TUSC3: variants seen among roughly 807,000 people sequenced by gnomAD.
The protein encoded by TUSC3 is tumor suppressor candidate 3, also known as dolichyl-diphosphooligosaccharide--protein glycosyltransferase subunit TUSC3.
A neutral mutation model predicts 44.8 loss-of-function variants in TUSC3; 45 were observed. That is an observed-to-expected ratio of 1.00 (90% CI 0.79 to 1.29). The LOEUF (loss-of-function observed/expected upper bound fraction) is 1.29. Among genes scored for constraint, TUSC3 ranks in the 50% most tolerant of loss-of-function variants. The pLI is 0.00. For missense variants in TUSC3, 519 were observed against 437.9 expected (o/e 1.19, Z -1.65); for synonymous variants, 212 against 152.9 (o/e 1.39, Z -2.85).
chr8:15,716,151 G>C (rs752499325), intron 6 of TUSC3, among the ~76,000 whole-genome samples: 7 of 152,106 alleles, frequency 4.6e-5, no homozygotes, highest in Non-Finnish European at 1.0e-4. Flanking sequence ...AGTTACTCGG[G>C]AGGCTGAGGC....
chr8:15,455,775 C>G (rs73665410), intron 1 of TUSC3, among the ~76,000 whole-genome samples: 15,941 of 152,198 alleles, frequency 0.1, 1,593 homozygotes, highest in African/African-American at 0.26. Flanking sequence ...GCCAAGGTAA[C>G]TACGGGAGAT....
At chr8:15,638,507 C>CTTTTTTTTTTTTTT (rs1301269279) in intron 2 of TUSC3, among the ~76,000 whole-genome samples, 1 of 112,678 alleles carries the variant, frequency 8.9e-6, no homozygotes, top group East Asian at 2.9e-4. Context: ...CTTTTTTTTT[C>CTTTTTTTTTTTTTT]TTTTTTTCTT....
chr8:15,812,321 G>C, the TUSC3 span, among the ~76,000 whole-genome samples: 3 of 152,168 alleles, frequency 2.0e-5, no homozygotes, highest in African/African-American at 7.2e-5. Context: ...TCAGGAGGTT[G>C]TCTGTGTACG....
chr8:15,689,821 GGTGTGTGTGTGTGTGT>G (rs71543657), intron 6 of TUSC3, among the ~76,000 whole-genome samples: 23 of 131,054 alleles, frequency 1.8e-4, no homozygotes, highest in East Asian at 4.5e-4. Context: ...AATAGTCCAT[GGTGTGTGTGTGTGTGT>G]GTGTGTGTGT....
chr8:15,502,466 G>A (rs984184651), intron 2 of TUSC3, among the ~76,000 whole-genome samples: 8 of 152,100 alleles, frequency 5.3e-5, no homozygotes, highest in African/African-American at 7.2e-5. Context: ...ATCATTTCCC[G>A]GATCCAATAT....
intron 2 of TUSC3, among the ~76,000 whole-genome samples, chr8:15,512,681 G>A (rs1196497397): frequency 1.3e-5 from 2 of 151,772 alleles, no homozygotes; most frequent in East Asian, 3.9e-4. Flanking sequence ...GCTGAGGCAG[G>A]AGAGTTGCTT....
the TUSC3 span, among the ~76,000 whole-genome samples, chr8:15,813,068 T>A: frequency 3.9e-5 from 6 of 152,028 alleles, no homozygotes; most frequent in Non-Finnish European, 8.8e-5. Flanking sequence ...CACTGCGGCC[T>A]GGACAACAGA....
intron 6 of TUSC3, among the ~76,000 whole-genome samples, chr8:15,682,259 G>A (rs1808457163): frequency 6.6e-6 from 1 of 152,054 alleles, no homozygotes; most frequent in Non-Finnish European, 1.5e-5. Context: ...GTGGGGTCTC[G>A]ACATTCCCCA....
At chr8:15,761,532 G>A (rs1436844001) in intron 10 of TUSC3, among the ~76,000 whole-genome samples, 2 of 152,120 alleles carry the variant, frequency 1.3e-5, no homozygotes, top group Non-Finnish European at 2.9e-5. Context: ...TACTATCTCA[G>A]TTACAGTTGA....
chr8:15,623,199 G>T lies in TUSC3; in HGVS notation c.258G>T (p.Met86Ile), dbSNP rs751192990. 6.2e-7 allele frequency: 1 copy of T among 1,613,290 alleles called. No individual in the cohort carries two copies. The highest frequency in any genetic ancestry group is 8.5e-7 in the Non-Finnish European group (1 of 1,179,598). The change falls in exon 2 of 11, where the codon ATG (methionine) becomes ATT (isoleucine). Residue 86 changes from methionine to isoleucine, a missense_variant. Coordinates refer to ENST00000503731, the MANE Select transcript of TUSC3 (RefSeq NM_006765.4). Reference sequence around the variant, plus strand: ...AGGCACCACCTCGAAACTATTCCATGATTGTTATGTTCACTGCTCTTCAGC... The same window carrying T: ...AGGCACCACCTCGAAACTATTCCATTATTGTTATGTTCACTGCTCTTCAGC... ...FIKAPPRNYS[M>I]IVMFTALQPQ...
chr8:15,800,851 C>G, the TUSC3 span, among the ~76,000 whole-genome samples: 1 of 152,146 alleles, frequency 6.6e-6, no homozygotes, highest in African/African-American at 2.4e-5. Flanking sequence ...ATTGGTCTCC[C>G]TCCACACCCT....
intron 1 of TUSC3, among the ~76,000 whole-genome samples, chr8:15,602,632 C>G (rs1171540337): frequency 6.7e-6 from 1 of 150,272 alleles, no homozygotes; most frequent in Admixed American, 6.7e-5. Context: ...AATAGGTGCT[C>G]TCTCTTTGGG....
intron 1 of TUSC3, among the ~76,000 whole-genome samples, chr8:15,581,948 A>T (rs1347623939): frequency 6.7e-6 from 1 of 150,178 alleles, no homozygotes; most frequent in Middle Eastern, 3.4e-3. Context: ...CTGCTGTGCT[A>T]GCAGTCAGCG....
intron 1 of TUSC3, among the ~76,000 whole-genome samples, chr8:15,587,984 G>T (rs1435742332): frequency 6.6e-6 from 1 of 151,900 alleles, no homozygotes; most frequent in Non-Finnish European, 1.5e-5. Flanking sequence ...ATTTAGATTG[G>T]TATCTTGGCA....
chr8:15,811,057 G>A, the TUSC3 span, among the ~76,000 whole-genome samples: 1 of 151,796 alleles, frequency 6.6e-6, no homozygotes, highest in African/African-American at 2.4e-5. Context: ...GGAAAGGAAA[G>A]AAAAGGGGGA....
At chr8:15,633,774 G>A (rs1360628243) in intron 2 of TUSC3, among the ~76,000 whole-genome samples, 1 of 152,114 alleles carries the variant, frequency 6.6e-6, no homozygotes, top group Non-Finnish European at 1.5e-5. Flanking sequence ...AGGGAGCATG[G>A]CCCTACTCAT....
At chr8:15,444,456 A>C (rs796146340) in intron 1 of TUSC3, among the ~76,000 whole-genome samples, 8 of 152,308 alleles carry the variant, frequency 5.3e-5, no homozygotes, top group African/African-American at 1.9e-4. Flanking sequence ...TATCAGGCAT[A>C]AGGTTAAAGC....
intron 2 of TUSC3, among the ~76,000 whole-genome samples, chr8:15,500,054 T>G (rs936886550): frequency 1.3e-5 from 2 of 152,236 alleles, no homozygotes; most frequent in Admixed American, 6.5e-5. Flanking sequence ...TTGGTTCAAT[T>G]GTCTGGCCAT....
the TUSC3 span, among the ~76,000 whole-genome samples, chr8:15,846,539 G>A: frequency 1.3e-5 from 2 of 152,114 alleles, no homozygotes; most frequent in African/African-American, 2.4e-5. Context: ...AAAAAAGGAT[G>A]AGTTCACGTC....
Sources: allele counts gnomAD v4.1 joint callset (sites outside exome capture counted in the v4.1 genomes callset), GRCh38; gene constraint gnomAD v4.1.1; transcripts MANE v1.5; gene names NCBI Gene and HGNC (gene_info 2026-07-23, HGNC 2026-07-21).